Variants in TNNT2 observed in about 807,000 individuals in gnomAD.
The protein encoded by TNNT2 is troponin T2, cardiac type.
A neutral mutation model predicts 62.4 loss-of-function variants in TNNT2; 34 were observed. The observed-to-expected ratio is 0.54, with a 90% CI of 0.41 to 0.72. The LOEUF (loss-of-function observed/expected upper bound fraction) is 0.72, where lower values mean the gene tolerates loss of function less well. Among genes scored for constraint, TNNT2 ranks in the 30% least tolerant of loss-of-function variants. The probability of loss-of-function intolerance (pLI) is 0.00; values close to 1 mark genes in which losing one functional copy is unlikely to be tolerated. For synonymous variants in TNNT2, 123 were observed against 127.2 expected (o/e 0.97, Z 0.22); for missense variants, 275 against 381.9 (o/e 0.72, Z 2.33).
chr1:201,364,034 G>C, intron 11 of TNNT2: 1 of 468,570 alleles, frequency 2.1e-6, no homozygotes, highest in Admixed American at 3.4e-5. Flanking sequence ...TGACCGGCAT[G>C]TGCCACCACG....
At chr1:201,372,345 A>T (rs532784522) in intron 2 of TNNT2, among the ~76,000 whole-genome samples, 190 bp from the exon 3 acceptor site, 76 of 152,162 alleles carry the variant, frequency 5.0e-4, no homozygotes, top group African/African-American at 1.8e-3. Flanking sequence ...TGCCGTTCTC[A>T]TGCAGGGCTG....
rs765805270 is a variant in TNNT2 at position 201,367,855 on chromosome 1, T to G, written c.164-49A>C. On this transcript the variant is annotated intron_variant, in intron 6 of 16. Coordinates refer to ENST00000656932, the MANE Select transcript of TNNT2 (RefSeq NM_001276345.2). ...TCAAGGTCCTTGTTCTGAGCTCAAGTCCCCCCCTCCGCCACCAGCAAGAGC... is the reference window on the plus strand; with the variant it reads ...TCAAGGTCCTTGTTCTGAGCTCAAGGCCCCCCCTCCGCCACCAGCAAGAGC... 9 of 1,606,188 alleles carry G rather than the reference T, an allele frequency of 5.6e-6. No homozygotes were observed. In the Admixed American group the frequency reaches 6.7e-5, roughly 12 times the overall value.
intron 1 of TNNT2, among the ~76,000 whole-genome samples, chr1:201,376,936 C>G (rs1255119861): frequency 6.6e-6 from 1 of 152,218 alleles, no homozygotes; most frequent in East Asian, 1.9e-4. Flanking sequence ...ATCTGCCCCC[C>G]AAGTGCAGCT....
chr1:201,362,244 ATC>A, intron 13 of TNNT2, 140 bp downstream of exon 13: 1 of 1,420,420 alleles, frequency 7.0e-7, no homozygotes, highest in Non-Finnish European at 9.7e-7. Context: ...TGCCTAACTA[ATC>A]TCTTTCACCT....
chr1:201,364,239 G>A, intron 11 of TNNT2, 59 bp downstream of exon 11: 7 of 1,511,752 alleles, frequency 4.6e-6, no homozygotes, highest in Non-Finnish European at 6.4e-6. Context: ...GGGCCTGGGG[G>A]CCCAGCAGGA....
At chr1:201,377,416 G>A (rs1661553259) in intron 1 of TNNT2, among the ~76,000 whole-genome samples, 1 of 152,174 alleles carries the variant, frequency 6.6e-6, no homozygotes, top group Non-Finnish European at 1.5e-5. Flanking sequence ...GCTACCATGG[G>A]ATTCTCTCTT....
intron 5 of TNNT2, chr1:201,369,479 G>A: frequency 2.0e-6 from 1 of 493,306 alleles, no homozygotes. Context: ...GTGCGCGGGG[G>A]CAGGGTGGCG....
chr1:201,368,932 T>C (rs1413382718), intron 5 of TNNT2, among the ~76,000 whole-genome samples: 1 of 152,210 alleles, frequency 6.6e-6, no homozygotes, highest in Non-Finnish European at 1.5e-5. Flanking sequence ...CTTCATTCCC[T>C]CTGTCCTCCC....
intron 6 of TNNT2, 124 bp from the exon 7 acceptor site, chr1:201,367,930 G>GT: frequency 8.2e-7 from 1 of 1,223,614 alleles, no homozygotes; most frequent in Non-Finnish European, 1.2e-6. Flanking sequence ...GGTTTTTGGG[G>GT]TTACAGAGCT....
At chr1:201,368,461 A>G (rs1378843609) in intron 5 of TNNT2, 2 of 609,726 alleles carry the variant, frequency 3.3e-6, no homozygotes, top group Non-Finnish European at 6.1e-6. Flanking sequence ...TGATGATGGG[A>G]CTCCACCTCA....
chr1:201,367,166 C>T, intron 7 of TNNT2: 1 of 533,012 alleles, frequency 1.9e-6, no homozygotes, highest in Non-Finnish European at 3.4e-6. Context: ...TTTTGCTTCT[C>T]TTGTGCTTCA....
chr1:201,365,652 C>A lies in TNNT2; in HGVS notation c.252G>T (p.Leu84Phe). The A allele has an allele frequency of 6.2e-7, 1 of 1,614,020 alleles. No individual in the cohort carries two copies. ...KPKPRSFMPN[L>F]VPPKIPDGER... ...CTCCATCGGGGATCTTGGGAGGCAC[C>A]AAGTTGGGCATGAACGACCTGTTGG... Residue 84 changes from leucine to phenylalanine, a missense_variant, in exon 9 of 17, where the codon TTG becomes TTT. Transcript: ENST00000656932.
At chr1:201,362,614 G>T (rs1489764145) in intron 12 of TNNT2, among the ~76,000 whole-genome samples, 1 of 152,152 alleles carries the variant, frequency 6.6e-6, no homozygotes, top group African/African-American at 2.4e-5. Context: ...TGGCTGGTGT[G>T]GTCACCATGG....
chr1:201,363,496 G>A, intron 11 of TNNT2, 90 bp from the exon 12 acceptor site: 6 of 1,244,262 alleles, frequency 4.8e-6, no homozygotes, highest in Non-Finnish European at 5.9e-6. Context: ...TTATGGGTGA[G>A]TTCAGCTTTC....
intron 1 of TNNT2, among the ~76,000 whole-genome samples, chr1:201,376,956 G>A (rs1661489009): frequency 6.6e-6 from 1 of 152,238 alleles, no homozygotes; most frequent in East Asian, 1.9e-4. Context: ...TCAGCTCAGG[G>A]TCTGGGAGCT....
intron 15 of TNNT2, chr1:201,361,045 A>C (rs567988741): frequency 1.7e-6 from 1 of 600,940 alleles, no homozygotes; most frequent in African/African-American, 1.8e-5. Context: ...GAACACCAGG[A>C]AAGTGTCTCT....
chr1:201,372,314 A>T (rs1030803012), intron 2 of TNNT2, among the ~76,000 whole-genome samples, 159 bp from the exon 3 acceptor site: 1 of 151,916 alleles, frequency 6.6e-6, no homozygotes, highest in Non-Finnish European at 1.5e-5. Context: ...CCACCTTGCA[A>T]TGACACCCAC....
intron 14 of TNNT2, 56 bp downstream of exon 14, chr1:201,361,857 A>AC: frequency 2.0e-6 from 3 of 1,521,504 alleles, no homozygotes; most frequent in Non-Finnish European, 2.7e-6. Flanking sequence ...CCTTGGCCCG[A>AC]CCCCTCCCAG....
rs753366110 is a variant in TNNT2, at chr1:201,369,865, C to T, written c.68-20G>A. ...CCTCTTCTGAGGTTCAGGGAGTGGC[C>T]GCAGCGGAGGGGAAAAGCGAGACAG... On this transcript the variant is annotated intron_variant, in intron 4 of 16. Coordinates refer to ENST00000656932, the MANE Select transcript of TNNT2 (RefSeq NM_001276345.2). The T allele has an allele frequency of 6.2e-6, 10 of 1,614,102 alleles. No homozygotes were observed. The highest frequency in any genetic ancestry group is 2.2e-5 in the East Asian group (1 of 44,880).
Sources: gnomAD v4.1 joint callset for allele counts (sites outside exome capture counted in the v4.1 genomes callset) on GRCh38, gnomAD v4.1.1 for gene constraint, MANE v1.5 for transcripts, NCBI Gene and HGNC (gene_info 2026-07-23, HGNC 2026-07-21) for gene names.